Variants in ZNF571 observed in about 807,000 individuals in gnomAD.
ZNF571 encodes the protein zinc finger protein 571.
Under a neutral mutation model 7.7 loss-of-function variants are expected in ZNF571, and 4 were observed. The observed-to-expected ratio is 0.52, with a 90% CI of 0.25 to 1.18. The LOEUF is 1.18. Ranked by LOEUF, ZNF571 falls within the 50% of genes most tolerant of loss-of-function variation. The pLI is 0.14. For synonymous variants in ZNF571, 251 were observed against 232.4 expected, an observed-to-expected ratio of 1.08 and a Z score of -0.73; for missense variants, 704 against 726.9, an observed-to-expected ratio of 0.97 and a Z score of 0.36.
chr19:37,574,599 A>C (rs539266211), intron 3 of ZNF571, among the ~76,000 whole-genome samples: 1 of 152,298 alleles, frequency 6.6e-6, no homozygotes, highest in South Asian at 2.1e-4. Context: ...AAATTTTCCA[A>C]CCTTCTAGGT....
At chr19:37,589,153 T>A (rs1467766284) in intron 1 of ZNF571, among the ~76,000 whole-genome samples, 1 of 138,296 alleles carries the variant, frequency 7.2e-6, no homozygotes, top group East Asian at 2.2e-4. Context: ...TGAGCCGAGA[T>A]CATGCCACTG....
intron 2 of ZNF571, among the ~76,000 whole-genome samples, chr19:37,584,399 A>C (rs1303870235): frequency 2.0e-5 from 3 of 152,246 alleles, no homozygotes; most frequent in Non-Finnish European, 2.9e-5. Context: ...TTAATTGCAC[A>C]GCAGATAAGG....
chr19:37,584,787 C>A lies in ZNF571; in HGVS notation c.10-690G>T, dbSNP rs914261363. Among the ~76,000 whole-genome samples the A allele has an allele frequency of 4.6e-5, 7 of 151,890 alleles. No individual in the cohort carries two copies. In the East Asian group the frequency reaches 1.2e-3, roughly 25 times the overall value. The stretch of plus-strand genomic sequence containing the variant: ...ACCATCCTGGCTAACACGGTGAAAC[C>A]CCGTCTCTACTAAAAATACAAAAAA... On this transcript the variant is annotated intron_variant, in intron 2 of 3. Coordinates refer to ENST00000451802, the MANE Select transcript of ZNF571 (RefSeq NM_016536.5).
chr19:37,575,541 C>G (rs1374633079), intron 3 of ZNF571: 1 of 152,174 alleles, frequency 6.6e-6, no homozygotes, highest in African/African-American at 2.4e-5. Flanking sequence ...TTCAAGAAAC[C>G]AGCAACTTGC....
At chr19:37,582,337 C>A (rs961735406) in intron 3 of ZNF571, among the ~76,000 whole-genome samples, 6 of 152,210 alleles carry the variant, frequency 3.9e-5, no homozygotes, top group African/African-American at 1.4e-4. Flanking sequence ...CATTATCTCT[C>A]TCAGCTAACT....
intron 3 of ZNF571, among the ~76,000 whole-genome samples, chr19:37,574,137 TA>T (rs1382438280): frequency 6.6e-6 from 1 of 152,204 alleles, no homozygotes; most frequent in Non-Finnish European, 1.5e-5. Flanking sequence ...TTTAAAACTA[TA>T]CTCTTTATGT....
At chr19:37,590,759 A>G (rs1318494796) in intron 1 of ZNF571, among the ~76,000 whole-genome samples, 1 of 152,190 alleles carries the variant, frequency 6.6e-6, no homozygotes, top group African/African-American at 2.4e-5. Flanking sequence ...TTATATCAAA[A>G]TAAAAATTTT....
rs370996609 is a variant in ZNF571 at position 37,565,075 on chromosome 19, T to C, written c.1353A>G (p.Glu451=). The C allele has an allele frequency of 1.5e-5, 24 of 1,612,992 alleles. No homozygotes were observed. Among genetic ancestry groups the C allele is most frequent in the African/African-American group, 2.7e-5 (2 of 74,790 alleles). Reference sequence around the variant, plus strand: ...CAACACGAATAAAGGCCTTTCCACATTCCTTACATTCAAAGGGTTTCTCAC... The same window carrying C: ...CAACACGAATAAAGGCCTTTCCACACTCCTTACATTCAAAGGGTTTCTCAC... ...HTGEKPFECK[E]CGKAFIRVAY... is the part of the protein sequence containing the mutation. Residue 451 remains glutamate (E), a synonymous_variant, in exon 4 of 4, where the codon GAA becomes GAG. Transcript: ENST00000451802.
Position 37,564,621 on chromosome 19 carries a change from G to C in ZNF571, c.1807C>G (p.Gln603Glu), listed in dbSNP as rs765903683. 6.5e-7 allele frequency: 1 copy of C among 1,548,784 alleles called. No individual in the cohort carries two copies. Among genetic ancestry groups the C allele is most frequent in the South Asian group, 1.3e-5 (1 of 79,508 alleles). ...KDFRCPSQLTQHTRLHN is the reference protein window; with the variant it reads ...KDFRCPSQLTEHTRLHN ...TCTCAATTATGAAGCCTTGTATGTTGAGTAAGTTGTGAAGGACATCTAAAG... is the reference window on the plus strand; with the variant it reads ...TCTCAATTATGAAGCCTTGTATGTTCAGTAAGTTGTGAAGGACATCTAAAG... The change falls in exon 4 of 4, where the codon CAA (glutamine) becomes GAA (glutamate). Residue 603 changes from glutamine to glutamate, a missense_variant. Physicochemically the swap from Gln to Glu is conservative, Grantham distance 29 (BLOSUM62 2). Coordinates refer to ENST00000451802, the MANE Select transcript of ZNF571 (RefSeq NM_016536.5).
rs760978380 is a variant in ZNF571, at chr19:37,574,082, C to T, written c.137-7791G>A. On this transcript the variant is annotated intron_variant, in intron 3 of 3. Coordinates refer to ENST00000451802, the MANE Select transcript of ZNF571 (RefSeq NM_016536.5). Reference sequence around the variant, plus strand: ...TTTTCTATGCTCTGGATCCATTATTCGTACCCTGAATGATGAAAAATATTC... The same window carrying T: ...TTTTCTATGCTCTGGATCCATTATTTGTACCCTGAATGATGAAAAATATTC... Among the ~76,000 whole-genome samples, 43 of 152,232 alleles carry T rather than the reference C, an allele frequency of 2.8e-4. 1 individual carries two copies. The highest frequency in any genetic ancestry group is 9.8e-4 in the Admixed American group (15 of 15,300).
Position 37,580,351 on chromosome 19 carries a change from T to C in ZNF571, c.136+3620A>G, listed in dbSNP as rs530397208. Reference sequence around the variant, plus strand: ...CTTCACCATCACAGGATTTATTCACTGATTCCCATATTTTCAGGTTATACA... The same window carrying C: ...CTTCACCATCACAGGATTTATTCACCGATTCCCATATTTTCAGGTTATACA... On this transcript the variant is annotated intron_variant, in intron 3 of 3. Coordinates refer to ENST00000451802, the MANE Select transcript of ZNF571 (RefSeq NM_016536.5). Among the ~76,000 whole-genome samples, 18 of 152,374 alleles carry C rather than the reference T, an allele frequency of 1.2e-4. No homozygotes were observed. In the East Asian group the frequency reaches 3.3e-3, roughly 28 times the overall value.
In ZNF571 at chr19:37,566,168, C is replaced by T; in HGVS notation, c.260G>A (p.Gly87Glu). 1 of 1,613,990 alleles carries T rather than the reference C, an allele frequency of 6.2e-7. No individual in the cohort carries two copies. Among genetic ancestry groups the T allele is most frequent in the Non-Finnish European group, 8.5e-7 (1 of 1,179,914 alleles). ...INHHLQYNGL[G>E]DNMECKGNLE... ...GTTGCCTTTGCACTCCATATTGTCT[C>T]CAAGACCATTGTATTGAAGGTGATG... is the stretch of plus-strand genomic sequence containing the variant. The change falls in exon 4 of 4, where the codon GGA becomes GAA. Residue 87 changes from glycine to glutamate, a missense_variant. Coordinates refer to ENST00000451802, the MANE Select transcript of ZNF571 (RefSeq NM_016536.5).
chr19:37,568,275 T>G (rs753297898), intron 3 of ZNF571, among the ~76,000 whole-genome samples: 25 of 151,956 alleles, frequency 1.6e-4, no homozygotes, highest in Non-Finnish European at 2.4e-4. Context: ...AAAACACACT[T>G]TTGCTGAAAA....
Position 37,564,423 on chromosome 19 carries a change from C to T in ZNF571, c.*175G>A, listed in dbSNP as rs984077635. 4.6e-5 allele frequency: 21 copies of T among 460,334 alleles called. No individual in the cohort carries two copies. The highest frequency in any genetic ancestry group is 2.7e-4 in the Admixed American group (7 of 25,952). 28.5% of individuals were successfully genotyped at this position (460,334 alleles called of 1,614,324 possible). ...GATATAATTCAGCATTATATTCTAG[C>T]GTTTATAGAGATGTTAAGGAATTAT... On this transcript the variant is annotated 3_prime_UTR_variant, in exon 4 of 4. Coordinates refer to ENST00000451802, the MANE Select transcript of ZNF571 (RefSeq NM_016536.5).
intron 3 of ZNF571, among the ~76,000 whole-genome samples, chr19:37,566,679 T>C (rs1041052706): frequency 6.6e-6 from 1 of 152,160 alleles, no homozygotes; most frequent in South Asian, 2.1e-4. Flanking sequence ...ACTACCACCA[T>C]CCTAGGCCAA....
At chr19:37,582,153 G>C (rs867313233) in intron 3 of ZNF571, among the ~76,000 whole-genome samples, 2 of 152,208 alleles carry the variant, frequency 1.3e-5, no homozygotes, top group Non-Finnish European at 1.5e-5. Flanking sequence ...TTAATTCACT[G>C]TCCCACTCTA....
intron 3 of ZNF571, among the ~76,000 whole-genome samples, chr19:37,570,360 A>T (rs2043010247): frequency 6.6e-6 from 1 of 152,140 alleles, no homozygotes; most frequent in Non-Finnish European, 1.5e-5. Context: ...AACTTTGAGC[A>T]CACTACTTGG....
At position 37,577,263 on chromosome 19, in the gene ZNF571, T is replaced by TA. The variant is rs1436945033; in HGVS notation, c.136+6707dup. On this transcript the variant is annotated intron_variant, in intron 3 of 3. Coordinates refer to ENST00000451802, the MANE Select transcript of ZNF571 (RefSeq NM_016536.5). Reference sequence around the variant, plus strand: ...ATAATTAACATAAATTTATATGAGGTAAATCATAACAAAGTAAGCATACTA... The same window carrying TA: ...ATAATTAACATAAATTTATATGAGGTAAAATCATAACAAAGTAAGCATACTA... Among the ~76,000 whole-genome samples, 4 of 152,258 alleles carry TA rather than the reference T, an allele frequency of 2.6e-5. No homozygotes were observed. In the East Asian group the frequency reaches 5.8e-4, roughly 22 times the overall value.
chr19:37,586,961 G>A (rs1006221093), intron 1 of ZNF571: 11 of 423,788 alleles, frequency 2.6e-5, no homozygotes, highest in African/African-American at 2.3e-4. Flanking sequence ...ACTTTCCCAT[G>A]GCATCTCCTC....
Sources: allele counts gnomAD v4.1 joint callset (sites outside exome capture counted in the v4.1 genomes callset), GRCh38; gene constraint gnomAD v4.1.1; transcripts MANE v1.5; gene names NCBI Gene and HGNC (gene_info 2026-07-23, HGNC 2026-07-21).